The following MAML3 variants were observed in gnomAD, a reference collection of about 807,000 sequenced individuals.
MAML3 encodes mastermind like transcriptional coactivator 3.
In MAML3, 27 loss-of-function variants were observed where a neutral mutation model predicts 101.9. The observed-to-expected ratio is 0.27, with a 90% CI of 0.20 to 0.37. The LOEUF is 0.37. Among genes scored for constraint, MAML3 ranks in the 10% least tolerant of loss-of-function variants. The pLI is 1.00. For missense variants in MAML3, 1,316 were observed against 1,444.9 expected, an observed-to-expected ratio of 0.91 and a Z score of 1.45; for synonymous variants, 501 against 555.9, an observed-to-expected ratio of 0.90 and a Z score of 1.39.
intron 1 of MAML3, among the ~76,000 whole-genome samples, chr4:139,933,271 T>C (rs1733437956): frequency 6.6e-6 from 1 of 152,156 alleles, no homozygotes; most frequent in African/African-American, 2.4e-5. Context: ...TTTGTCCCTA[T>C]ATTTTCCCTG....
chr4:139,791,355 G>C (rs530898010), intron 2 of MAML3, among the ~76,000 whole-genome samples: 2 of 151,986 alleles, frequency 1.3e-5, no homozygotes, highest in Non-Finnish European at 2.9e-5. Context: ...AAATTAGCCA[G>C]GCATGGTGGC....
chr4:139,881,939 G>A (rs1021976857), intron 2 of MAML3, among the ~76,000 whole-genome samples: 1 of 152,102 alleles, frequency 6.6e-6, no homozygotes, highest in Non-Finnish European at 1.5e-5. Context: ...TGATCCGCCC[G>A]CCTCAGCCTC....
At chr4:139,721,671 T>TGGC (rs1728239085) in intron 4 of MAML3, among the ~76,000 whole-genome samples, 1 of 152,230 alleles carries the variant, frequency 6.6e-6, no homozygotes, top group African/African-American at 2.4e-5. Flanking sequence ...CAAGTTTTTG[T>TGGC]GGCTTGAGAT....
At chr4:139,864,812 G>A (rs75220313) in intron 2 of MAML3, among the ~76,000 whole-genome samples, 8,837 of 149,990 alleles carry the variant, frequency 0.059, 485 homozygotes, top group African/African-American at 0.14. Flanking sequence ...ACAATGTTAC[G>A]CAGAATTATA....
At chr4:139,889,151 C>T (rs745385643) in intron 2 of MAML3, 76 of 954,920 alleles carry the variant, frequency 8.0e-5, no homozygotes, top group Middle Eastern at 4.1e-4. Context: ...CTGAAATACA[C>T]GAAAGTTTAT....
At chr4:140,078,028 AAAAT>A (rs34269313) in intron 1 of MAML3, among the ~76,000 whole-genome samples, 1 of 147,960 alleles carries the variant, frequency 6.8e-6, no homozygotes, top group African/African-American at 2.5e-5. Flanking sequence ...AATAAATAAA[AAAAT>A]AAATAAATAA....
At chr4:139,801,668 G>GTGTGTGTGTGTC (rs1252864128) in intron 2 of MAML3, among the ~76,000 whole-genome samples, 41 of 17,214 alleles carry the variant, frequency 2.4e-3, no homozygotes, top group African/African-American at 5.2e-3. Context: ...GTGTGTGTGT[G>GTGTGTGTGTGTC]TGTGTGTGTG....
At chr4:140,016,746 TAAAAC>T (rs1409474721) in intron 1 of MAML3, among the ~76,000 whole-genome samples, 2 of 152,106 alleles carry the variant, frequency 1.3e-5, no homozygotes, top group Non-Finnish European at 2.9e-5. Flanking sequence ...AAAACAAACA[TAAAAC>T]AAAACCAAAC....
At chr4:140,034,663 G>C (rs545360369) in intron 1 of MAML3, among the ~76,000 whole-genome samples, 7 of 152,330 alleles carry the variant, frequency 4.6e-5, no homozygotes, top group African/African-American at 1.7e-4. Context: ...AACCAAGTCT[G>C]ATGCTTACTA....
At chr4:140,062,162 C>G (rs1002389402) in intron 1 of MAML3, among the ~76,000 whole-genome samples, 23 of 152,202 alleles carry the variant, frequency 1.5e-4, no homozygotes, top group African/African-American at 5.5e-4. Context: ...TTTCCCTCCT[C>G]ACACACTGAA....
At chr4:140,038,490 C>T (rs1727025532) in intron 1 of MAML3, among the ~76,000 whole-genome samples, 1 of 152,176 alleles carries the variant, frequency 6.6e-6, no homozygotes, top group Non-Finnish European at 1.5e-5. Context: ...TTTTCCTTCC[C>T]TGACTTCCTA....
chr4:140,014,326 C>T (rs569026036), intron 1 of MAML3, among the ~76,000 whole-genome samples: 28 of 152,048 alleles, frequency 1.8e-4, no homozygotes, highest in Admixed American at 6.6e-4. Flanking sequence ...GTCCAAAAGC[C>T]GAATGTAGAC....
chr4:139,798,442 T>G (rs1184128490), intron 2 of MAML3, among the ~76,000 whole-genome samples: 1 of 152,198 alleles, frequency 6.6e-6, no homozygotes, highest in Non-Finnish European at 1.5e-5. Flanking sequence ...AAAAGTTCAG[T>G]GTCCAAAGTT....
intron 1 of MAML3, among the ~76,000 whole-genome samples, chr4:140,107,363 A>C (rs1370514899): frequency 6.6e-6 from 1 of 152,166 alleles, no homozygotes; most frequent in Non-Finnish European, 1.5e-5. Context: ...TTACATCACC[A>C]TTGAGTCCTT....
chr4:139,827,532 AG>A (rs1012389383), intron 2 of MAML3, among the ~76,000 whole-genome samples: 2 of 151,894 alleles, frequency 1.3e-5, no homozygotes, highest in African/African-American at 2.4e-5. Flanking sequence ...ACAAAGGACT[AG>A]GGGGGAAAAA....
At chr4:139,725,416 C>T (rs74476263) in intron 4 of MAML3, among the ~76,000 whole-genome samples, 1,608 of 152,204 alleles carry the variant, frequency 0.011, 25 homozygotes, top group African/African-American at 0.037. Flanking sequence ...CCAACAGGCA[C>T]CAGTATATCT....
intron 3 of MAML3, among the ~76,000 whole-genome samples, chr4:139,727,901 A>G (rs1489239171): frequency 6.6e-6 from 1 of 151,842 alleles, no homozygotes; most frequent in Non-Finnish European, 1.5e-5. Context: ...TTGATCTGGC[A>G]GTATTCACTC....
intron 1 of MAML3, among the ~76,000 whole-genome samples, chr4:139,976,159 G>C (rs972163008): frequency 1.3e-5 from 2 of 152,172 alleles, no homozygotes; most frequent in Non-Finnish European, 1.5e-5. Context: ...CTGAATGCTG[G>C]GCAAAGCCTC....
chr4:139,943,864 C>CCTT (rs1733652525), intron 1 of MAML3, among the ~76,000 whole-genome samples: 1 of 65,824 alleles, frequency 1.5e-5, no homozygotes, highest in African/African-American at 5.9e-5. Context: ...CTAAAGACAA[C>CCTT]TTTTTTTTTT....
Sources: gnomAD v4.1 joint callset for allele counts (sites outside exome capture counted in the v4.1 genomes callset) on GRCh38, gnomAD v4.1.1 for gene constraint, MANE v1.5 for transcripts, NCBI Gene and HGNC (gene_info 2026-07-23, HGNC 2026-07-21) for gene names.